Variants in PON2 observed in about 807,000 individuals in gnomAD.
The protein encoded by PON2 is serum paraoxonase/arylesterase 2.
Under a neutral mutation model 36.6 loss-of-function variants are expected in PON2, and 27 were observed. The ratio of observed to expected loss-of-function variants is 0.74; its 90% CI spans 0.54 to 1.02. The LOEUF (loss-of-function observed/expected upper bound fraction) is 1.02. PON2 is among the 50% of genes least tolerant of loss of function. PON2 has a pLI of 0.00. For missense variants in PON2, 363 were observed against 421.1 expected (o/e 0.86, Z 1.21); for synonymous variants, 149 against 156.3 (o/e 0.95, Z 0.35).
chr7:95,423,490 C>A (rs1444824695), intron 2 of PON2, among the ~76,000 whole-genome samples: 1 of 151,948 alleles, frequency 6.6e-6, no homozygotes, highest in South Asian at 2.1e-4. Flanking sequence ...AAACTGCAAA[C>A]ACACCAGAGA....
chr7:95,418,156 T>C (rs1471785827), intron 2 of PON2: 1 of 152,190 alleles, frequency 6.6e-6, no homozygotes, highest in African/African-American at 2.4e-5. Context: ...TCATCGTGTA[T>C]CCCCTCTTCG....
intron 2 of PON2, among the ~76,000 whole-genome samples, chr7:95,421,801 T>C (rs979436975): frequency 2.0e-5 from 3 of 152,166 alleles, no homozygotes; most frequent in Non-Finnish European, 2.9e-5. Flanking sequence ...CTGAGGAAGC[T>C]GATTTAAAAG....
rs17876149 is a variant in PON2 at position 95,410,221 on chromosome 7, C to T, written c.495-120G>A. ...TTAAATTTTTGGTAAGAGGAAAAGA[C>T]GAGCTAAAAATCACGACTATAGTCA... is the stretch of plus-strand genomic sequence containing the variant. On this transcript the variant is annotated intron_variant, in intron 5 of 8. Coordinates refer to ENST00000222572, the MANE Select transcript of PON2 (RefSeq NM_000305.3). 3,333 of 841,724 alleles carry T rather than the reference C, an allele frequency of 4.0e-3. 83 individuals carry two copies. The African/African-American group carries it at 0.047, about 12-fold the overall frequency. The allele number at this position is 841,724 out of a possible 1,614,324, so 52.1% of individuals were successfully genotyped here. A position where few individuals can be genotyped will look rare whatever the true frequency, so the allele number is the denominator to read the frequency against.
At position 95,411,672 on chromosome 7, in the gene PON2, T is replaced by C. The variant is rs756569890; in HGVS notation, c.475A>G (p.Lys159Glu). Residue 159 changes from lysine (K) to glutamate (E), a missense_variant, in exon 5 of 9, where the codon AAA becomes GAA. Physicochemically the swap from Lys to Glu is moderately conservative, Grantham distance 56. Coordinates refer to ENST00000222572, the MANE Select transcript of PON2 (RefSeq NM_000305.3). ...ENSLLHLKTV[K>E]HELLPSVNDI... ...AAGTACCTTGGAAGAAGCTCATGTT[T>C]GACTGTTTTCAGATGCAACAGAGAA... 56 of 1,613,884 alleles carry C rather than the reference T, an allele frequency of 3.5e-5. No homozygotes were observed. The highest frequency in any genetic ancestry group is 4.7e-5 in the Non-Finnish European group (55 of 1,179,940).
At chr7:95,421,859 G>T (rs1322937036) in intron 2 of PON2, among the ~76,000 whole-genome samples, 1 of 152,230 alleles carries the variant, frequency 6.6e-6, no homozygotes, top group Non-Finnish European at 1.5e-5. Context: ...GAGAAACTCT[G>T]AAGGTGGCAC....
At position 95,417,690 on chromosome 7, in the gene PON2, G is replaced by GCACATACACATGT; in HGVS notation, c.146-1394_146-1393insACATGTGTATGTG. 2.1e-5 allele frequency among the ~76,000 whole-genome samples: 2 copies of GCACATACACATGT among 93,878 alleles called. 1 individual carries two copies. The highest frequency in any genetic ancestry group is 9.0e-4 in the South Asian group (2 of 2,212). The allele number at this position is 93,878 out of a possible 152,430, so 61.6% of individuals were successfully genotyped here. Reference sequence around the variant, plus strand: ...CACAGCACATACACATGTACACACAGACACACACACACACACACACACACA... The same window carrying GCACATACACATGT: ...CACAGCACATACACATGTACACACAGCACATACACATGTACACACACACACACACACACACACA... On this transcript the variant is annotated intron_variant, in intron 2 of 8. Coordinates refer to ENST00000222572, the MANE Select transcript of PON2 (RefSeq NM_000305.3).
At chr7:95,416,035 A>G in intron 3 of PON2, 1 of 845,286 alleles carries the variant, frequency 1.2e-6, no homozygotes, top group Non-Finnish European at 1.8e-6. Flanking sequence ...CAATGGGGAA[A>G]TAAAGAACAC....
At chr7:95,433,364 T>C (rs1232950796) in intron 1 of PON2, among the ~76,000 whole-genome samples, 1 of 152,126 alleles carries the variant, frequency 6.6e-6, no homozygotes, top group African/African-American at 2.4e-5. Context: ...CCTCCAACAG[T>C]GCTGGGATTA....
chr7:95,427,305 C>A (rs1442958688), intron 1 of PON2, among the ~76,000 whole-genome samples: 1 of 152,146 alleles, frequency 6.6e-6, no homozygotes, highest in Non-Finnish European at 1.5e-5. Context: ...GTGGCAGACC[C>A]TAGCGGCTGA....
Position 95,424,497 on chromosome 7 carries a change from G to T in PON2, c.145+18C>A. ...CCAAAAAATGCAATGTGCCCAACAAGCATTTTCATATACATACCAATTCCT... is the reference window on the plus strand; with the variant it reads ...CCAAAAAATGCAATGTGCCCAACAATCATTTTCATATACATACCAATTCCT... On this transcript the variant is annotated intron_variant, in intron 2 of 8. Transcript: ENST00000222572. The T allele has an allele frequency of 6.2e-7, 1 of 1,602,112 alleles. No homozygotes were observed. Among genetic ancestry groups the T allele is most frequent in the Non-Finnish European group, 8.6e-7 (1 of 1,169,422 alleles).
intron 8 of PON2, 41 bp downstream of exon 8, chr7:95,406,078 G>T: frequency 6.3e-7 from 1 of 1,580,124 alleles, no homozygotes; most frequent in South Asian, 1.1e-5. Flanking sequence ...AGTTCAAAAG[G>T]ACTTGAATAA....
At chr7:95,424,197 G>C (rs961448964) in intron 2 of PON2, 17 of 375,456 alleles carry the variant, frequency 4.5e-5, no homozygotes, top group Non-Finnish European at 7.5e-5. Context: ...AAGGCTCACA[G>C]AACACAGACT....
intron 1 of PON2, among the ~76,000 whole-genome samples, chr7:95,433,578 T>A (rs1298557240): frequency 6.6e-6 from 1 of 151,306 alleles, no homozygotes; most frequent in African/African-American, 2.4e-5. Flanking sequence ...ATTTCCCTTT[T>A]GAAGCACTAT....
In PON2 at chr7:95,421,178, T is replaced by C. The variant is rs149433351; in HGVS notation, c.145+3337A>G. Among the ~76,000 whole-genome samples the C allele has an allele frequency of 6.6e-5, 10 of 152,280 alleles. No homozygotes were observed. In the East Asian group the frequency reaches 1.9e-3, roughly 29 times the overall value. On this transcript the variant is annotated intron_variant, in intron 2 of 8. Transcript: ENST00000222572. Reference sequence around the variant, plus strand: ...ACAGCAGCTCACACACATCACAACATAAAGGTCACAAACATAGACAGATGC... The same window carrying C: ...ACAGCAGCTCACACACATCACAACACAAAGGTCACAAACATAGACAGATGC...
chr7:95,416,389 G>T, intron 2 of PON2, 92 bp from the exon 3 acceptor site: 3 of 1,381,234 alleles, frequency 2.2e-6, no homozygotes, highest in South Asian at 1.2e-5. Context: ...TTATCAGAGT[G>T]ACTGTATCTT....
At chr7:95,409,446 A>G (rs1263652779) in intron 6 of PON2, 1 of 152,526 alleles carries the variant, frequency 6.6e-6, no homozygotes, top group Non-Finnish European at 1.5e-5. Flanking sequence ...ACACATATCC[A>G]TCAATAGAGA....
chr7:95,412,289 G>C (rs759593887), intron 4 of PON2, 23 bp downstream of exon 4: 2 of 1,613,220 alleles, frequency 1.2e-6, no homozygotes, highest in African/African-American at 2.7e-5. Context: ...GTTACTAAAT[G>C]TTGGTAGCCC....
rs150924374 is a variant in PON2, at chr7:95,406,235, C to T, written c.790G>A (p.Asp264Asn). ...NLTQLKVLEL[D>N]TLVDNLSIDP... ...ATAGATAAATTATCCACCAGTGTAT[C>T]CAGCTCAAGTACCTTCCAAATGAGA... Residue 264 changes from aspartate to asparagine, a missense_variant, in exon 8 of 9, where the codon GAT (aspartate) becomes AAT (asparagine). By Grantham distance (23) the Asp-to-Asn change is conservative (BLOSUM62 1). Transcript: ENST00000222572. 6 of 1,611,120 alleles carry T rather than the reference C, an allele frequency of 3.7e-6. No individual in the cohort carries two copies. The highest frequency in any genetic ancestry group is 5.1e-6 in the Non-Finnish European group (6 of 1,177,420).
intron 6 of PON2, among the ~76,000 whole-genome samples, chr7:95,408,394 A>T (rs1419148952): frequency 2.0e-5 from 3 of 152,202 alleles, no homozygotes; most frequent in Non-Finnish European, 4.4e-5. Flanking sequence ...GGGTAGAGGA[A>T]GGAGGCACAG....
Sources: gnomAD v4.1 joint callset for allele counts (sites outside exome capture counted in the v4.1 genomes callset) on GRCh38, gnomAD v4.1.1 for gene constraint, MANE v1.5 for transcripts, NCBI Gene and HGNC (gene_info 2026-07-23, HGNC 2026-07-21) for gene names.